C3orf22: variants seen among roughly 807,000 people sequenced by gnomAD.
C3orf22 encodes the protein uncharacterized protein C3orf22.
A neutral mutation model predicts 10.8 loss-of-function variants in C3orf22; 7 were observed. That is an observed-to-expected ratio of 0.65 (90% CI 0.37 to 1.22). The LOEUF (loss-of-function observed/expected upper bound fraction) is 1.22, where lower values mean the gene tolerates loss of function less well. Among genes scored for constraint, C3orf22 ranks in the 50% most tolerant of loss-of-function variants. The pLI is 0.02. For missense variants in C3orf22, 173 were observed against 177.0 expected, an observed-to-expected ratio of 0.98 and a Z score of 0.13; for synonymous variants, 79 against 78.9, an observed-to-expected ratio of 1.00 and a Z score of 0.00.
At chr3:126,549,261 C>T (rs11713346), downstream of C3orf22, among the ~76,000 whole-genome samples, 12 of 144,424 alleles carry the variant, frequency 8.3e-5, no homozygotes, top group African/African-American at 3.3e-4. Flanking sequence ...GCCCCCCCCC[C>T]CACACACACA....
exon 6 of C3orf22, chr3:126,527,463 C>T (rs1310257951): frequency 6.6e-6 from 1 of 152,382 alleles, no homozygotes; most frequent in South Asian, 2.1e-4. Flanking sequence ...GCAACTCCAA[C>T]CCAAAGCTAG....
intron 4 of C3orf22, among the ~76,000 whole-genome samples, chr3:126,532,293 A>T (rs1399168625): frequency 4.6e-5 from 7 of 152,212 alleles, no homozygotes; most frequent in East Asian, 3.8e-4. Flanking sequence ...TCTATTTTTT[A>T]AAATTTTGTT....
chr3:126,552,317 G>A (rs1480164196), intron 2 of C3orf22, among the ~76,000 whole-genome samples, 195 bp from the exon 3 acceptor site: 1 of 152,236 alleles, frequency 6.6e-6, no homozygotes, highest in Non-Finnish European at 1.5e-5. Flanking sequence ...GAGGCACAGA[G>A]GTTCCACAGC....
intron 4 of C3orf22, among the ~76,000 whole-genome samples, chr3:126,543,934 C>A (rs961396410): frequency 1.3e-5 from 2 of 152,210 alleles, no homozygotes; most frequent in Non-Finnish European, 2.9e-5. Context: ...GCCCTTCCCC[C>A]ACTGGAGGGA....
At chr3:126,556,644 CCA>C (rs35184055) in intron 1 of C3orf22, among the ~76,000 whole-genome samples, 82,072 of 149,928 alleles carry the variant, frequency 0.55, 23,951 homozygotes, top group South Asian at 0.73. Flanking sequence ...ACTGCCGTTC[CCA>C]CACACACACA....
At chr3:126,528,027 A>C (rs1936571903) in intron 5 of C3orf22, among the ~76,000 whole-genome samples, 1 of 151,604 alleles carries the variant, frequency 6.6e-6, no homozygotes, top group Non-Finnish European at 1.5e-5. Flanking sequence ...TGAAAGCTGC[A>C]TAGGAGTTTA....
At chr3:126,538,168 A>G (rs76415469) in intron 4 of C3orf22, among the ~76,000 whole-genome samples, 3,567 of 152,346 alleles carry the variant, frequency 0.023, 73 homozygotes, top group Non-Finnish European at 0.042. Flanking sequence ...AGCTGCTTCC[A>G]GCCATGAGGA....
chr3:126,540,921 T>A (rs1394423383), intron 4 of C3orf22, among the ~76,000 whole-genome samples: 2 of 152,230 alleles, frequency 1.3e-5, no homozygotes, highest in Non-Finnish European at 2.9e-5. Flanking sequence ...TTTTAAGAAG[T>A]TAAAACACTT....
chr3:126,536,896 A>AC (rs1936805469), intron 4 of C3orf22, among the ~76,000 whole-genome samples: 21 of 140,490 alleles, frequency 1.5e-4, no homozygotes, highest in African/African-American at 3.4e-4. Flanking sequence ...CACACACACA[A>AC]ACACACACAC....
chr3:126,539,127 G>C (rs187532566), intron 4 of C3orf22, among the ~76,000 whole-genome samples: 4 of 152,140 alleles, frequency 2.6e-5, no homozygotes, highest in African/African-American at 4.8e-5. Context: ...AAAAATTCAA[G>C]CATATGCAAG....
intron 4 of C3orf22, among the ~76,000 whole-genome samples, chr3:126,537,727 GC>G (rs898599614): frequency 1.2e-4 from 18 of 151,930 alleles, no homozygotes; most frequent in African/African-American, 3.9e-4. Flanking sequence ...CTCCCTGGAG[GC>G]TTAGCACCTT....
intron 4 of C3orf22, among the ~76,000 whole-genome samples, chr3:126,531,327 C>T (rs1324915089): frequency 6.6e-6 from 1 of 152,242 alleles, no homozygotes; most frequent in African/African-American, 2.4e-5. Flanking sequence ...AGACCTGTTC[C>T]TCAGATTTCC....
chr3:126,529,143 C>T (rs901264342), exon 5 of C3orf22: 14 of 373,394 alleles, frequency 3.7e-5, no homozygotes, highest in African/African-American at 9.6e-5. Flanking sequence ...CTGCACAGGG[C>T]GCGAGCCCTG....
chr3:126,552,468 CA>C (rs1384506762), intron 2 of C3orf22, among the ~76,000 whole-genome samples: 1 of 152,086 alleles, frequency 6.6e-6, no homozygotes, highest in African/African-American at 2.4e-5. Flanking sequence ...GTGTACCTGC[CA>C]CCTGGGCCTC....
At chr3:126,542,580 G>A in intron 4 of C3orf22, 2 of 1,467,694 alleles carry the variant, frequency 1.4e-6, no homozygotes, top group African/African-American at 1.5e-5. Flanking sequence ...CTGCTCTAGC[G>A]GTCCTGGAGG....
intron 4 of C3orf22, chr3:126,541,921 G>T (rs372238580): frequency 6.3e-7 from 1 of 1,596,680 alleles, no homozygotes. Context: ...GGAAGCGCGT[G>T]CTGCTGGCGC....
intron 4 of C3orf22, among the ~76,000 whole-genome samples, chr3:126,533,976 A>G (rs180969588): frequency 2.0e-5 from 3 of 152,002 alleles, no homozygotes; most frequent in African/African-American, 4.8e-5. Context: ...GAATTTGTCT[A>G]TTTCTTGTAT....
intron 3 of C3orf22, among the ~76,000 whole-genome samples, chr3:126,551,437 T>C (rs1433466378): frequency 6.6e-6 from 1 of 152,128 alleles, no homozygotes; most frequent in Non-Finnish European, 1.5e-5. Flanking sequence ...TCCACATCTG[T>C]TTAGGAGGAA....
chr3:126,535,569 C>CAGCATCGCTTTCCTCGGCCGGG (rs1560140076), intron 4 of C3orf22, among the ~76,000 whole-genome samples: 3 of 145,126 alleles, frequency 2.1e-5, no homozygotes, highest in Non-Finnish European at 4.5e-5. Context: ...GACAGACAGA[C>CAGCATCGCTTTCCTCGGCCGGG]AGACAGCATC....
Sources: allele counts gnomAD v4.1 joint callset (sites outside exome capture counted in the v4.1 genomes callset), GRCh38; gene constraint gnomAD v4.1.1; transcripts MANE v1.5; gene names NCBI Gene and HGNC (gene_info 2026-07-23, HGNC 2026-07-21).